The following PTPRN2 variants were observed in gnomAD, a reference collection of about 807,000 sequenced individuals.
The protein encoded by PTPRN2 is protein tyrosine phosphatase receptor type N2.
In PTPRN2, 74 loss-of-function variants were observed where a neutral mutation model predicts 118.8. That is an observed-to-expected ratio of 0.62 (90% CI 0.52 to 0.76). The LOEUF (loss-of-function observed/expected upper bound fraction) is 0.76, where lower values mean the gene tolerates loss of function less well. Ranked by LOEUF, PTPRN2 falls within the 30% of genes least tolerant of loss-of-function variation. PTPRN2 has a pLI of 0.00. For synonymous variants in PTPRN2, 641 were observed against 608.0 expected (o/e 1.05, Z -0.80); for missense variants, 1,481 against 1,394.4 (o/e 1.06, Z -0.99).
intron 3 of PTPRN2, among the ~76,000 whole-genome samples, chr7:158,273,108 G>A (rs1003619714): frequency 8.9e-5 from 13 of 146,812 alleles, no homozygotes; most frequent in African/African-American, 3.1e-4. Context: ...GCTGTGGGAC[G>A]AAGGGGAGAG....
intron 14 of PTPRN2, among the ~76,000 whole-genome samples, chr7:157,623,314 T>G (rs1803378110): frequency 6.6e-6 from 1 of 152,258 alleles, no homozygotes; most frequent in Admixed American, 6.5e-5. Flanking sequence ...AGTCTGTTTC[T>G]GTGGCTACTT....
chr7:158,044,440 T>C (rs1808694982), intron 11 of PTPRN2, among the ~76,000 whole-genome samples: 2 of 152,350 alleles, frequency 1.3e-5, no homozygotes, highest in South Asian at 4.1e-4. Context: ...CACTCCAATG[T>C]GTGTGTCTTT....
intron 6 of PTPRN2, among the ~76,000 whole-genome samples, chr7:158,151,591 A>G (rs1268969721): frequency 6.6e-6 from 1 of 151,560 alleles, no homozygotes; most frequent in Non-Finnish European, 1.5e-5. Flanking sequence ...GGTGGGTGGT[A>G]TGAGCCACGC....
intron 9 of PTPRN2, 65 bp from the exon 10 acceptor site, chr7:158,110,980 C>A (rs1024861299): frequency 3.0e-5 from 41 of 1,388,060 alleles, no homozygotes; most frequent in Non-Finnish European, 3.9e-5. Flanking sequence ...GAACTAAAGC[C>A]CTGTGGCCCC....
At chr7:158,363,500 GC>G (rs1809176032) in intron 2 of PTPRN2, among the ~76,000 whole-genome samples, 1 of 152,214 alleles carries the variant, frequency 6.6e-6, no homozygotes, top group African/African-American at 2.4e-5. Context: ...CCCCGTCGAA[GC>G]CTGCACACAA....
At chr7:158,564,462 C>T (rs976450871) in intron 1 of PTPRN2, among the ~76,000 whole-genome samples, 21 of 152,250 alleles carry the variant, frequency 1.4e-4, no homozygotes, top group Admixed American at 1.2e-3. Flanking sequence ...GGCACCACCC[C>T]CATCACCAAC....
At chr7:158,081,269 C>T (rs375997168) in intron 11 of PTPRN2, 29 bp downstream of exon 11, 174 of 1,571,486 alleles carry the variant, frequency 1.1e-4, no homozygotes, top group South Asian at 2.8e-4. Context: ...CGTGTGTGTG[C>T]GTGTACGTGT....
At chr7:157,551,010 T>C (rs959472263) in intron 21 of PTPRN2, among the ~76,000 whole-genome samples, 2 of 152,176 alleles carry the variant, frequency 1.3e-5, no homozygotes, top group African/African-American at 4.8e-5. Context: ...CGGCCATGAC[T>C]GTGGCGGCCA....
intron 12 of PTPRN2, among the ~76,000 whole-genome samples, chr7:157,887,482 G>C (rs1796527109): frequency 6.1e-5 from 1 of 16,476 alleles, no homozygotes; most frequent in Non-Finnish European, 1.1e-4. Flanking sequence ...ATTACCTGCT[G>C]CTGCCAGTAC....
chr7:158,265,670 C>A (rs11771280), intron 3 of PTPRN2, among the ~76,000 whole-genome samples: 38,102 of 152,198 alleles, frequency 0.25, 4,983 homozygotes, highest in Middle Eastern at 0.32. Flanking sequence ...CCTGGCAGAA[C>A]TGTGTGAGGC....
intron 20 of PTPRN2, among the ~76,000 whole-genome samples, chr7:157,570,803 C>T (rs562762590): frequency 2.0e-5 from 3 of 152,270 alleles, no homozygotes; most frequent in Admixed American, 2.0e-4. Flanking sequence ...TGCTGGACGT[C>T]CTGGTGGTTG....
intron 2 of PTPRN2, among the ~76,000 whole-genome samples, chr7:158,383,662 A>C (rs1233391667): frequency 6.6e-6 from 1 of 152,246 alleles, no homozygotes; most frequent in Non-Finnish European, 1.5e-5. Flanking sequence ...ACAGAAGGAC[A>C]AAAGAACTTT....
intron 2 of PTPRN2, among the ~76,000 whole-genome samples, chr7:158,366,416 G>C (rs1809526266): frequency 6.7e-6 from 1 of 150,246 alleles, no homozygotes; most frequent in Non-Finnish European, 1.5e-5. Context: ...CCTGGGAGAA[G>C]CCACAGCCCA....
In PTPRN2 at chr7:158,422,962, C is replaced by T. The variant is rs992515087; in HGVS notation, c.163+66773G>A. 1.5e-4 allele frequency among the ~76,000 whole-genome samples: 23 copies of T among 152,320 alleles called. No homozygotes were observed. In the South Asian group the frequency reaches 4.3e-3, roughly 29 times the overall value. The stretch of plus-strand genomic sequence containing the variant: ...CTCCTGCTGCTCTCCAGAGATAAAG[C>T]GAGGAGAGGGTGACGATAGCCAATC... On this transcript the variant is annotated intron_variant, in intron 2 of 22. Transcript: ENST00000389418.
rs535996017 is a variant in PTPRN2, at chr7:157,633,610, C to T, written c.2197-12101G>A. On this transcript the variant is annotated intron_variant, in intron 14 of 22. Coordinates refer to ENST00000389418, the MANE Select transcript of PTPRN2 (RefSeq NM_002847.5). ...CTGGGATGGCACTGAGGGGGCCCCT[C>T]TGAAGGGTAAACTCTCAGAGCCATG... Among the ~76,000 whole-genome samples the T allele has an allele frequency of 4.7e-4, 71 of 152,276 alleles. 1 individual carries two copies. Among genetic ancestry groups the T allele is most frequent in the Middle Eastern group, 6.8e-3 (2 of 294 alleles).
intron 12 of PTPRN2, among the ~76,000 whole-genome samples, chr7:157,880,577 G>A (rs532663887): frequency 4.6e-5 from 7 of 152,288 alleles, no homozygotes; most frequent in South Asian, 2.1e-4. Context: ...ATGCAGCCAC[G>A]TCCTTCTCCA....
chr7:157,978,119 TGGGCCA>T (rs931972172), intron 11 of PTPRN2, among the ~76,000 whole-genome samples: 9 of 151,950 alleles, frequency 5.9e-5, no homozygotes, highest in Non-Finnish European at 1.0e-4. Flanking sequence ...ACAGATGCCT[TGGGCCA>T]GGGCAGTTTC....
At chr7:157,695,448 A>C (rs572688416) in intron 12 of PTPRN2, among the ~76,000 whole-genome samples, 1 of 152,202 alleles carries the variant, frequency 6.6e-6, no homozygotes, top group South Asian at 2.1e-4. Context: ...CATTTTTAAA[A>C]AGTATTTACT....
At chr7:157,877,985 C>T (rs557541773) in intron 12 of PTPRN2, among the ~76,000 whole-genome samples, 3 of 152,334 alleles carry the variant, frequency 2.0e-5, no homozygotes, top group East Asian at 3.9e-4. Flanking sequence ...GAAAATCCCG[C>T]GTATGTCAGT....
Sources: gnomAD v4.1 joint callset for allele counts (sites outside exome capture counted in the v4.1 genomes callset) on GRCh38, gnomAD v4.1.1 for gene constraint, MANE v1.5 for transcripts, NCBI Gene and HGNC (gene_info 2026-07-23, HGNC 2026-07-21) for gene names.